Variants in RCSD1 observed in about 807,000 individuals in gnomAD.
RCSD1 encodes RCSD domain containing 1, also known as capZ-interacting protein.
RCSD1 carries 26 observed loss-of-function variants against 42.5 expected under a neutral mutation model. The ratio of observed to expected loss-of-function variants is 0.61; its 90% CI spans 0.45 to 0.85. The LOEUF is 0.85. Among genes scored for constraint, RCSD1 ranks in the 40% least tolerant of loss-of-function variants. The probability of loss-of-function intolerance (pLI) is 0.00; values close to 1 mark genes in which losing one functional copy is unlikely to be tolerated. For missense variants in RCSD1, 571 were observed against 528.3 expected (o/e 1.08, Z -0.79); for synonymous variants, 220 against 212.2 (o/e 1.04, Z -0.32).
At chr1:167,680,253 G>A (rs1207669011) in intron 1 of RCSD1, among the ~76,000 whole-genome samples, 1 of 151,920 alleles carries the variant, frequency 6.6e-6, no homozygotes, top group Non-Finnish European at 1.5e-5. Context: ...AGGACAAGCT[G>A]AAGTCAAGGC....
At chr1:167,672,862 A>G (rs186787518) in intron 1 of RCSD1, among the ~76,000 whole-genome samples, 1 of 152,158 alleles carries the variant, frequency 6.6e-6, no homozygotes, top group Admixed American at 6.5e-5. Flanking sequence ...TAGGCCATAG[A>G]CTCCAGAGGT....
At chr1:167,700,466 G>A (rs1659611735) in intron 6 of RCSD1, among the ~76,000 whole-genome samples, 1 of 151,866 alleles carries the variant, frequency 6.6e-6, no homozygotes, top group African/African-American at 2.4e-5. Context: ...GGCTAACACA[G>A]TGAAACCCCG....
intron 6 of RCSD1, among the ~76,000 whole-genome samples, chr1:167,701,750 ATTTG>A (rs914536649): frequency 9.9e-5 from 15 of 152,218 alleles, no homozygotes; most frequent in African/African-American, 3.4e-4. Context: ...CGTGTGCATA[ATTTG>A]TTTAATCTGG....
At chr1:167,692,939 G>T (rs1659410137) in intron 4 of RCSD1, among the ~76,000 whole-genome samples, 1 of 151,832 alleles carries the variant, frequency 6.6e-6, no homozygotes, top group South Asian at 2.1e-4. Context: ...TATGGGGCAG[G>T]AGAGAGTACA....
rs186348880 is a variant in RCSD1 at position 167,680,409 on chromosome 1, G to A, written c.7-3491G>A. Among the ~76,000 whole-genome samples the A allele has an allele frequency of 4.7e-4, 72 of 152,194 alleles. 1 individual carries two copies. The East Asian group carries it at 0.011, about 24-fold the overall frequency. ...ACCAGCAGACCAGGTCGGATGGGAGGAGGAGGAGGAGGAGGAAGAAACCAA... is the reference window on the plus strand; with the variant it reads ...ACCAGCAGACCAGGTCGGATGGGAGAAGGAGGAGGAGGAGGAAGAAACCAA... On this transcript the variant is annotated intron_variant, in intron 1 of 6. Coordinates refer to ENST00000367854, the MANE Select transcript of RCSD1 (RefSeq NM_052862.4).
At chr1:167,665,954 G>A (rs972959943) in intron 1 of RCSD1, among the ~76,000 whole-genome samples, 1 of 152,248 alleles carries the variant, frequency 6.6e-6, no homozygotes, top group East Asian at 1.9e-4. Flanking sequence ...TGAGATTACA[G>A]GCGTGTGCCA....
intron 1 of RCSD1, among the ~76,000 whole-genome samples, chr1:167,667,765 G>A (rs1488316861): frequency 1.3e-5 from 2 of 152,138 alleles, no homozygotes; most frequent in East Asian, 3.8e-4. Flanking sequence ...CTCCCTGGAT[G>A]ACAATTTGTT....
chr1:167,697,938 A>T, intron 6 of RCSD1, 96 bp downstream of exon 6: 1 of 1,282,644 alleles, frequency 7.8e-7, no homozygotes, highest in Non-Finnish European at 9.9e-7. Context: ...TTCATAAATC[A>T]GCTCGACATG....
intron 5 of RCSD1, among the ~76,000 whole-genome samples, chr1:167,696,690 C>T (rs1182169584): frequency 3.3e-5 from 5 of 152,030 alleles, no homozygotes; most frequent in South Asian, 2.1e-4. Context: ...TGAGCTCAAG[C>T]GATCCTCCTG....
chr1:167,657,891 G>GCA (rs36021344), intron 1 of RCSD1, among the ~76,000 whole-genome samples: 6,386 of 148,020 alleles, frequency 0.043, 177 homozygotes, highest in Non-Finnish European at 0.065. Flanking sequence ...GTTTACTCAT[G>GCA]CACACACACA....
At chr1:167,688,884 G>A (rs1659305752) in intron 3 of RCSD1, among the ~76,000 whole-genome samples, 1 of 152,164 alleles carries the variant, frequency 6.6e-6, no homozygotes, top group Admixed American at 6.5e-5. Flanking sequence ...CCAACCACAT[G>A]GAAGTCATCC....
chr1:167,680,361 T>C (rs1339420288), intron 1 of RCSD1, among the ~76,000 whole-genome samples: 1 of 152,054 alleles, frequency 6.6e-6, no homozygotes, highest in Non-Finnish European at 1.5e-5. Flanking sequence ...AGTGACTTTG[T>C]GAGCAGGTAC....
chr1:167,672,364 G>C (rs1330087411), intron 1 of RCSD1, among the ~76,000 whole-genome samples: 2 of 152,218 alleles, frequency 1.3e-5, no homozygotes, highest in Admixed American at 1.3e-4. Context: ...CACCAACTTA[G>C]TGGCTTGCAC....
intron 3 of RCSD1, among the ~76,000 whole-genome samples, chr1:167,686,620 C>A (rs1659243025): frequency 6.6e-6 from 1 of 152,184 alleles, no homozygotes; most frequent in African/African-American, 2.4e-5. Context: ...GGATGAGAAC[C>A]CCAAGGAGCA....
At chr1:167,675,963 C>G (rs781424527) in intron 1 of RCSD1, among the ~76,000 whole-genome samples, 23 of 152,098 alleles carry the variant, frequency 1.5e-4, no homozygotes, top group Admixed American at 1.4e-3. Flanking sequence ...CTAGGCATCC[C>G]TCAGAGTATT....
intron 6 of RCSD1, among the ~76,000 whole-genome samples, chr1:167,700,152 T>C (rs1659603590): frequency 1.3e-5 from 2 of 152,214 alleles, no homozygotes; most frequent in Admixed American, 6.5e-5. Context: ...GAAAATTGTC[T>C]GACCCAAAAG....
At chr1:167,638,014 T>C (rs953563418) in intron 1 of RCSD1, among the ~76,000 whole-genome samples, 1 of 152,168 alleles carries the variant, frequency 6.6e-6, no homozygotes, top group East Asian at 1.9e-4. Flanking sequence ...TCACAGAGAA[T>C]TTGCATCTCA....
chr1:167,697,509 G>T lies in RCSD1; in HGVS notation c.885G>T (p.Arg295Ser). The part of the protein sequence containing the change: ...PQTSGPEAEN[R>S]CGSPREEKPA... ...CCTCTGGCCCAGAGGCAGAAAATAG[G>T]TGTGGGAGCCCCAGGGAGGAAAAGC... Residue 295 changes from arginine (R) to serine (S), a missense_variant, in exon 6 of 7, where the codon AGG (arginine) becomes AGT (serine). Arg to Ser is a moderately radical substitution (Grantham distance 110). Transcript: ENST00000367854. 2 of 1,607,242 alleles carry T rather than the reference G, an allele frequency of 1.2e-6. No individual in the cohort carries two copies. The highest frequency in any genetic ancestry group is 1.7e-6 in the Non-Finnish European group (2 of 1,176,946).
At chr1:167,631,300 C>G (rs1241374135) in intron 1 of RCSD1, among the ~76,000 whole-genome samples, 1 of 152,170 alleles carries the variant, frequency 6.6e-6, no homozygotes, top group Non-Finnish European at 1.5e-5. Context: ...AGCCCTAAGT[C>G]AATCTTAGTA....
Sources: allele counts gnomAD v4.1 joint callset (sites outside exome capture counted in the v4.1 genomes callset), GRCh38; gene constraint gnomAD v4.1.1; transcripts MANE v1.5; gene names NCBI Gene and HGNC (gene_info 2026-07-23, HGNC 2026-07-21).